Variants in IFT52 observed in about 807,000 individuals in gnomAD.
The protein encoded by IFT52 is intraflagellar transport 52, also known as intraflagellar transport protein 52 homolog.
Under a neutral mutation model 54.4 loss-of-function variants are expected in IFT52, and 44 were observed. The observed-to-expected ratio is 0.81, with a 90% CI of 0.63 to 1.04. The LOEUF is 1.04. Among genes scored for constraint, IFT52 ranks in the 50% least tolerant of loss-of-function variants. The pLI is 0.00. For synonymous variants in IFT52, 181 were observed against 185.3 expected, an observed-to-expected ratio of 0.98 and a Z score of 0.19; for missense variants, 452 against 523.6, an observed-to-expected ratio of 0.86 and a Z score of 1.33.
intron 7 of IFT52, among the ~76,000 whole-genome samples, chr20:43,614,605 T>C (rs1276190812): frequency 6.6e-6 from 1 of 152,074 alleles, no homozygotes; most frequent in Non-Finnish European, 1.5e-5. Flanking sequence ...CTATGGGCTG[T>C]CACCCTCAGT....
intron 6 of IFT52, among the ~76,000 whole-genome samples, chr20:43,608,098 T>C (rs1983113171): frequency 6.6e-6 from 1 of 151,890 alleles, no homozygotes; most frequent in South Asian, 2.1e-4. Context: ...ATGGCAGCAG[T>C]ATAGTCCAGC....
chr20:43,611,197 C>G (rs1231974400), intron 6 of IFT52, among the ~76,000 whole-genome samples: 2 of 152,020 alleles, frequency 1.3e-5, no homozygotes, highest in African/African-American at 4.8e-5. Flanking sequence ...CTCCTTTATC[C>G]TTATTTCCTG....
intron 4 of IFT52, 49 bp from the exon 5 acceptor site, chr20:43,604,134 G>A (rs534280666): frequency 1.5e-5 from 22 of 1,462,096 alleles, no homozygotes; most frequent in African/African-American, 2.8e-5. Context: ...CTATAATATC[G>A]AATTTATTTC....
intron 3 of IFT52, among the ~76,000 whole-genome samples, chr20:43,600,449 T>C (rs1034947277): frequency 6.6e-6 from 1 of 151,874 alleles, no homozygotes; most frequent in Non-Finnish European, 1.5e-5. Flanking sequence ...GTACTACAGG[T>C]GCCCACCACC....
chr20:43,603,709 G>A (rs562356480), intron 3 of IFT52, 51 bp from the exon 4 acceptor site: 65 of 1,562,566 alleles, frequency 4.2e-5, no homozygotes, highest in South Asian at 3.7e-4. Context: ...ATGGTATTTC[G>A]GGCAAAAGTC....
At chr20:43,595,187 G>A (rs947831608) in intron 2 of IFT52, among the ~76,000 whole-genome samples, 15 of 151,852 alleles carry the variant, frequency 9.9e-5, no homozygotes, top group African/African-American at 3.6e-4. Flanking sequence ...GTGTGGTGGT[G>A]GGCGCCTGTA....
intron 10 of IFT52, 49 bp downstream of exon 10, chr20:43,624,094 T>G: frequency 3.1e-6 from 5 of 1,588,504 alleles, no homozygotes; most frequent in Non-Finnish European, 4.3e-6. Flanking sequence ...TTCTGAGTGT[T>G]TGGTTTGGAA....
intron 5 of IFT52, among the ~76,000 whole-genome samples, chr20:43,604,497 GC>G (rs2145600110): frequency 6.6e-6 from 1 of 152,070 alleles, no homozygotes; most frequent in African/African-American, 2.4e-5. Context: ...AATCACTTGA[GC>G]CCGGGAAGCA....
At chr20:43,646,772 A>G (rs76942193) in intron 13 of IFT52, among the ~76,000 whole-genome samples, 164 bp from the exon 14 acceptor site, 1,713 of 152,280 alleles carry the variant, frequency 0.011, 15 homozygotes, top group Non-Finnish European at 0.015. Context: ...GGGCAAAAGG[A>G]TCAAAATTTG....
At chr20:43,630,397 CT>C (rs1985076035) in intron 10 of IFT52, among the ~76,000 whole-genome samples, 1 of 152,162 alleles carries the variant, frequency 6.6e-6, no homozygotes, top group Non-Finnish European at 1.5e-5. Flanking sequence ...GTTTCAGAGA[CT>C]TAGACAACTC....
intron 1 of IFT52, among the ~76,000 whole-genome samples, chr20:43,592,719 T>G (rs1193577377): frequency 6.6e-6 from 1 of 152,222 alleles, no homozygotes; most frequent in East Asian, 1.9e-4. Context: ...CTCTATAAAA[T>G]TTAAAATCTA....
intron 6 of IFT52, among the ~76,000 whole-genome samples, chr20:43,606,913 A>G (rs1205714739): frequency 1.3e-5 from 2 of 152,224 alleles, no homozygotes; most frequent in East Asian, 3.9e-4. Context: ...GTAAGGTCAC[A>G]GATCAACAGG....
intron 3 of IFT52, among the ~76,000 whole-genome samples, chr20:43,601,318 G>A (rs1346892758): frequency 6.6e-6 from 1 of 152,130 alleles, no homozygotes; most frequent in South Asian, 2.1e-4. Flanking sequence ...CACACTAACA[G>A]TGTGAATGCA....
At chr20:43,629,258 TTTTTGTTTTTTTG>T (rs1984984847) in intron 10 of IFT52, among the ~76,000 whole-genome samples, 1 of 151,992 alleles carries the variant, frequency 6.6e-6, no homozygotes, top group South Asian at 2.1e-4. Flanking sequence ...CTGTTGTACG[TTTTTGTTTTTTTG>T]TTTTGTTTTT....
At position 43,631,798 on chromosome 20, in the gene IFT52, C is replaced by T. The variant is rs571189494; in HGVS notation, c.924-4128C>T. Among the ~76,000 whole-genome samples the T allele has an allele frequency of 5.3e-5, 8 of 152,304 alleles. No individual in the cohort carries two copies. In the East Asian group the frequency reaches 1.2e-3, roughly 22 times the overall value. On this transcript the variant is annotated intron_variant, in intron 10 of 13. Transcript: ENST00000373030. ...GGGCACCCTTCTGCCTGTTCTTGCT[C>T]TTGCCTCTGCCAGGGACACTTTTGA...
chr20:43,605,200 A>G (rs1431918713), intron 6 of IFT52, 127 bp downstream of exon 6: 2 of 1,471,026 alleles, frequency 1.4e-6, no homozygotes, highest in African/African-American at 2.9e-5. Context: ...AGAGGAAAAA[A>G]GTAGAAGCTC....
intron 9 of IFT52, among the ~76,000 whole-genome samples, chr20:43,622,630 A>G (rs1568767454): frequency 6.8e-6 from 1 of 147,608 alleles, no homozygotes; most frequent in Admixed American, 6.8e-5. Flanking sequence ...ATACATATAT[A>G]TATTCTATAT....
chr20:43,637,129 C>CT lies in IFT52; in HGVS notation c.1012-13dup, dbSNP rs767973217. 6 of 1,531,208 alleles carry CT rather than the reference C, an allele frequency of 3.9e-6. No individual in the cohort carries two copies. The highest frequency in any genetic ancestry group is 5.4e-6 in the Non-Finnish European group (6 of 1,105,344). The allele number at this position is 1,531,208 out of a possible 1,614,324, so 94.9% of individuals were successfully genotyped here. On this transcript the variant is annotated splice_polypyrimidine_tract_variant and intron_variant, in intron 11 of 13. Transcript: ENST00000373030. ...ATCCTCCCTCATTTCTAAATAATGA[C>CT]TTTATTTCCTTTTAGGTTTTTCCTC...
intron 6 of IFT52, among the ~76,000 whole-genome samples, chr20:43,605,580 G>T (rs1021480385): frequency 1.4e-5 from 2 of 147,882 alleles, no homozygotes; most frequent in African/African-American, 2.5e-5. Flanking sequence ...AGATTTCTAG[G>T]TTTTTTTTTT....
Sources: gnomAD v4.1 joint callset for allele counts (sites outside exome capture counted in the v4.1 genomes callset) on GRCh38, gnomAD v4.1.1 for gene constraint, MANE v1.5 for transcripts, NCBI Gene and HGNC (gene_info 2026-07-23, HGNC 2026-07-21) for gene names.